The following CAMK1D variants were observed in gnomAD, a reference collection of about 807,000 sequenced individuals.
CAMK1D encodes the protein calcium/calmodulin-dependent protein kinase type 1D.
Under a neutral mutation model 47.7 loss-of-function variants are expected in CAMK1D, and 9 were observed. The observed-to-expected ratio is 0.19, with a 90% CI of 0.11 to 0.33. The LOEUF (loss-of-function observed/expected upper bound fraction) is 0.33, where lower values mean the gene tolerates loss of function less well. Among genes scored for constraint, CAMK1D ranks in the 10% least tolerant of loss-of-function variants. The pLI is 1.00. For missense variants in CAMK1D, 291 were observed against 488.7 expected (o/e 0.60, Z 3.81); for synonymous variants, 184 against 184.9 (o/e 0.99, Z 0.04).
chr10:12,389,768 C>G lies in CAMK1D; in HGVS notation c.92+39858C>G, dbSNP rs1838656431. 2.0e-5 allele frequency among the ~76,000 whole-genome samples: 3 copies of G among 152,188 alleles called. No individual in the cohort carries two copies. The South Asian group carries it at 6.2e-4, about 32-fold the overall frequency. ...CCTTGTCACCTACTGTCTGAAGGTG[C>G]TTCCTTTTTGGGGAATAGGATTGAG... On this transcript the variant is annotated intron_variant, in intron 1 of 10. Transcript: ENST00000619168.
chr10:12,457,481 T>C (rs745473582), intron 1 of CAMK1D, among the ~76,000 whole-genome samples: 4 of 152,004 alleles, frequency 2.6e-5, no homozygotes, highest in Admixed American at 1.3e-4. Flanking sequence ...TGGAGTATGC[T>C]GCTCTTTGTA....
chr10:12,701,953 AG>A (rs1273400371), intron 3 of CAMK1D, among the ~76,000 whole-genome samples: 1 of 152,246 alleles, frequency 6.6e-6, no homozygotes, highest in Non-Finnish European at 1.5e-5. Flanking sequence ...AGAAGGGAAA[AG>A]GAAATGAGTA....
At chr10:12,738,693 G>C (rs963337509) in intron 3 of CAMK1D, among the ~76,000 whole-genome samples, 1 of 152,008 alleles carries the variant, frequency 6.6e-6, no homozygotes, top group Admixed American at 6.6e-5. Context: ...TTAGCCGGGC[G>C]TGGTGGCTCG....
At chr10:12,701,886 C>T (rs1833533968) in intron 3 of CAMK1D, among the ~76,000 whole-genome samples, 1 of 152,188 alleles carries the variant, frequency 6.6e-6, no homozygotes, top group South Asian at 2.1e-4. Context: ...GTTTGGAGCC[C>T]CAGGCAGGCA....
chr10:12,532,624 A>G (rs910873039), intron 1 of CAMK1D, among the ~76,000 whole-genome samples: 3 of 152,186 alleles, frequency 2.0e-5, no homozygotes, highest in Non-Finnish European at 2.9e-5. Context: ...TCAGTGTATC[A>G]AAGAGATATT....
intron 6 of CAMK1D, among the ~76,000 whole-genome samples, chr10:12,805,056 C>T (rs556481152): frequency 2.0e-5 from 3 of 151,222 alleles, no homozygotes. Flanking sequence ...GTCAGAAGAT[C>T]GAGACCATCC....
intron 2 of CAMK1D, among the ~76,000 whole-genome samples, chr10:12,645,970 GTTT>G (rs5783282): frequency 1.5e-5 from 2 of 136,866 alleles, no homozygotes; most frequent in African/African-American, 2.7e-5. Context: ...ATGGCTAGTT[GTTT>G]TTTTTTTTTT....
Position 12,485,077 on chromosome 10 carries a change from C to T in CAMK1D, c.93-68148C>T, listed in dbSNP as rs551335221. The stretch of plus-strand genomic sequence containing the variant: ...CTTTCGGGAAGGAAAGTCGCCTTCA[C>T]GTCTTGCATGTTTTCACCGCTCCCC... On this transcript the variant is annotated intron_variant, in intron 1 of 10. Transcript: ENST00000619168. 2.6e-5 allele frequency among the ~76,000 whole-genome samples: 4 copies of T among 152,318 alleles called. No homozygotes were observed. The South Asian group carries it at 6.2e-4, about 24-fold the overall frequency.
intron 4 of CAMK1D, among the ~76,000 whole-genome samples, chr10:12,762,496 C>T (rs1836557513): frequency 2.0e-5 from 3 of 152,032 alleles, no homozygotes; most frequent in Non-Finnish European, 4.4e-5. Flanking sequence ...CAGTGATTCC[C>T]GAATGTTCGC....
At chr10:12,716,564 G>A (rs567123867) in intron 3 of CAMK1D, among the ~76,000 whole-genome samples, 13 of 152,206 alleles carry the variant, frequency 8.5e-5, no homozygotes, top group African/African-American at 2.9e-4. Context: ...AGTATGTGCC[G>A]TGTCATGAGA....
intron 5 of CAMK1D, among the ~76,000 whole-genome samples, chr10:12,784,051 T>C (rs1837613975): frequency 6.6e-6 from 1 of 152,134 alleles, no homozygotes; most frequent in African/African-American, 2.4e-5. Flanking sequence ...CGATGGGATA[T>C]TGTTTTGTCA....
chr10:12,559,153 T>C (rs10795965), intron 2 of CAMK1D, among the ~76,000 whole-genome samples: 71,323 of 151,558 alleles, frequency 0.47, 18,041 homozygotes, highest in Non-Finnish European at 0.58. Flanking sequence ...ATAAAACAAT[T>C]AAAAAACTAG....
Position 12,593,325 on chromosome 10 carries a change from C to G in CAMK1D, c.224+39969C>G, listed in dbSNP as rs186728377. ...AGACCCAAGGCTGTCTGCGCTGACT[C>G]ATGCCTGTAATCCCAGCACTTCGGG... On this transcript the variant is annotated intron_variant, in intron 2 of 10. Transcript: ENST00000619168. Among the ~76,000 whole-genome samples, 5 of 152,344 alleles carry G rather than the reference C, an allele frequency of 3.3e-5. No homozygotes were observed. In the East Asian group the frequency reaches 9.6e-4, roughly 29 times the overall value.
intron 3 of CAMK1D, among the ~76,000 whole-genome samples, chr10:12,692,928 G>A (rs920390143): frequency 6.6e-6 from 1 of 152,216 alleles, no homozygotes; most frequent in Non-Finnish European, 1.5e-5. Context: ...ATGTGAAAAT[G>A]TGGCTGAGGT....
chr10:12,507,943 A>G (rs1834927763), intron 1 of CAMK1D, among the ~76,000 whole-genome samples: 1 of 152,066 alleles, frequency 6.6e-6, no homozygotes. Flanking sequence ...CACACTTTCC[A>G]GGCCACATTG....
At position 12,564,147 on chromosome 10, in the gene CAMK1D, G is replaced by GTCTCTCTCTCTC. The variant is rs56063700; in HGVS notation, c.224+10814_224+10825dup. 1.9e-4 allele frequency among the ~76,000 whole-genome samples: 26 copies of GTCTCTCTCTCTC among 139,718 alleles called. No homozygotes were observed. In the East Asian group the frequency reaches 3.9e-3, roughly 21 times the overall value. The allele number at this position is 139,718 out of a possible 152,430, so 91.7% of individuals were successfully genotyped here. A position where few individuals can be genotyped will look rare whatever the true frequency, so the allele number is the denominator to read the frequency against. On this transcript the variant is annotated intron_variant, in intron 2 of 10. Coordinates refer to ENST00000619168, the MANE Select transcript of CAMK1D (RefSeq NM_153498.4). The stretch of plus-strand genomic sequence containing the variant: ...TCTCTCTCTCTCTCTCTCTCTCTCT[G>GTCTCTCTCTCTC]TCTCTCTCTCTCTCTCTCTCTCTCT...
chr10:12,586,453 GAAAAA>G lies in CAMK1D; in HGVS notation c.224+33114_224+33118del, dbSNP rs201388483. ...GACAGAGCAAGACTTCCTCTCAAAA[GAAAAA>G]AAAAAAAAAAAAAAAATTGAAGAAG... On this transcript the variant is annotated intron_variant, in intron 2 of 10. Coordinates refer to ENST00000619168, the MANE Select transcript of CAMK1D (RefSeq NM_153498.4). 6.3e-5 allele frequency among the ~76,000 whole-genome samples: 7 copies of G among 111,756 alleles called. No individual in the cohort carries two copies. In the South Asian group the frequency reaches 1.5e-3, roughly 24 times the overall value. 73.3% of individuals were successfully genotyped at this position (111,756 alleles called of 152,430 possible). A position where few individuals can be genotyped will look rare whatever the true frequency, so the allele number is the denominator to read the frequency against.
chr10:12,676,115 G>C (rs1424636589), intron 3 of CAMK1D, among the ~76,000 whole-genome samples: 1 of 152,076 alleles, frequency 6.6e-6, no homozygotes. Context: ...ACTACGCCTG[G>C]CTAATTTTTG....
chr10:12,807,424 C>T (rs1838781772), intron 6 of CAMK1D, among the ~76,000 whole-genome samples: 2 of 152,148 alleles, frequency 1.3e-5, no homozygotes, highest in African/African-American at 4.8e-5. Flanking sequence ...CTCTTCCCTG[C>T]TTTCTTTTAG....
Sources: allele counts gnomAD v4.1 joint callset (sites outside exome capture counted in the v4.1 genomes callset), GRCh38; gene constraint gnomAD v4.1.1; transcripts MANE v1.5; gene names NCBI Gene and HGNC (gene_info 2026-07-23, HGNC 2026-07-21).